Variants in WLS observed in about 807,000 individuals in gnomAD.
WLS encodes the protein protein wntless homolog.
WLS carries 23 observed loss-of-function variants against 62.8 expected under a neutral mutation model. The ratio of observed to expected loss-of-function variants is 0.37; its 90% confidence interval spans 0.26 to 0.52. The LOEUF (loss-of-function observed/expected upper bound fraction) is 0.52, where lower values mean the gene tolerates loss of function less well. WLS is among the 20% of genes least tolerant of loss of function. The pLI, the probability that WLS is intolerant of heterozygous loss-of-function variation, is 0.92. For synonymous variants in WLS, 246 were observed against 244.1 expected (o/e 1.01, Z -0.07); for missense variants, 615 against 697.3 (o/e 0.88, Z 1.33).
At chr1:68,180,628 A>G (rs1397943265) in intron 2 of WLS, among the ~76,000 whole-genome samples, 1 of 152,094 alleles carries the variant, frequency 6.6e-6, no homozygotes, top group African/African-American at 2.4e-5. Flanking sequence ...CATTTTCACC[A>G]CCTGTTTCTT....
At chr1:68,115,685 G>A (rs1646282543) in intron 11 of WLS, among the ~76,000 whole-genome samples, 1 of 151,594 alleles carries the variant, frequency 6.6e-6, no homozygotes, top group Admixed American at 6.6e-5. Context: ...TTTGTTATGA[G>A]GGGGGAATAC....
intron 11 of WLS, among the ~76,000 whole-genome samples, chr1:68,116,571 G>A (rs1448444439): frequency 2.0e-5 from 3 of 152,114 alleles, no homozygotes; most frequent in Admixed American, 6.5e-5. Flanking sequence ...TACCTCATAG[G>A]ATTCATTTAA....
intron 2 of WLS, chr1:68,193,734 G>A (rs1648497741): frequency 3.6e-6 from 2 of 556,538 alleles, no homozygotes; most frequent in African/African-American, 1.9e-5. Context: ...GTGCCCAAGT[G>A]TTCCATCTGT....
At chr1:68,187,419 T>C (rs919405450) in intron 2 of WLS, among the ~76,000 whole-genome samples, 2 of 152,020 alleles carry the variant, frequency 1.3e-5, no homozygotes, top group Non-Finnish European at 2.9e-5. Context: ...AAAGCTTGAG[T>C]ACAGTATTTT....
At chr1:68,194,666 G>T (rs1161916329) in intron 1 of WLS, among the ~76,000 whole-genome samples, 1 of 152,206 alleles carries the variant, frequency 6.6e-6, no homozygotes, top group Non-Finnish European at 1.5e-5. Context: ...TCTTGGGTAA[G>T]TCAGTTAAAT....
intron 1 of WLS, among the ~76,000 whole-genome samples, chr1:68,208,903 G>C (rs1045288162): frequency 2.6e-5 from 4 of 152,090 alleles, no homozygotes; most frequent in African/African-American, 9.7e-5. Context: ...TTTAATATTT[G>C]GTCCAAATTC....
At chr1:68,150,500 C>A (rs539267499) in intron 5 of WLS, 144 bp from the exon 6 acceptor site, 14 of 1,152,058 alleles carry the variant, frequency 1.2e-5, no homozygotes, top group African/African-American at 1.1e-4. Context: ...CACAGAGATG[C>A]AAAACGTCCT....
At chr1:68,167,639 G>A (rs964473279) in intron 2 of WLS, among the ~76,000 whole-genome samples, 1 of 152,172 alleles carries the variant, frequency 6.6e-6, no homozygotes. Flanking sequence ...TAAGGTATCA[G>A]CATAGGGCAT....
Position 68,143,996 on chromosome 1 carries a change from TC to T in WLS, c.1362+572del, listed in dbSNP as rs1474146512. 7.2e-5 allele frequency among the ~76,000 whole-genome samples: 11 copies of T among 152,332 alleles called. No homozygotes were observed. In the East Asian group the frequency reaches 2.1e-3, roughly 29 times the overall value. On this transcript the variant is annotated intron_variant, in intron 10 of 11. Transcript: ENST00000262348. ...TTACCTCGTAGGATTTTTGTGATGC[TC>T]AAATGAATAATAGATACATTAGATT...
chr1:68,179,730 A>G (rs1289336729), intron 2 of WLS, among the ~76,000 whole-genome samples: 6 of 152,136 alleles, frequency 3.9e-5, no homozygotes, highest in Non-Finnish European at 8.8e-5. Flanking sequence ...TAATTACACT[A>G]ATAGTCTTCA....
intron 10 of WLS, among the ~76,000 whole-genome samples, chr1:68,140,140 G>T (rs111511852): frequency 6.6e-6 from 1 of 152,214 alleles, no homozygotes; most frequent in Non-Finnish European, 1.5e-5. Flanking sequence ...ACGCTGTGAG[G>T]TAGGTAGGTA....
In WLS at chr1:68,185,271, T is replaced by A. The variant is rs527491979; in HGVS notation, c.379+8684A>T. 2.0e-5 allele frequency among the ~76,000 whole-genome samples: 3 copies of A among 152,232 alleles called. No homozygotes were observed. The South Asian group carries it at 6.2e-4, about 32-fold the overall frequency. Reference sequence around the variant, plus strand: ...GTTCCCATGACCCTCCTCCTTAGGATTGATTGATTTGCTACAGAGGCTCAC... The same window carrying A: ...GTTCCCATGACCCTCCTCCTTAGGAATGATTGATTTGCTACAGAGGCTCAC... On this transcript the variant is annotated intron_variant, in intron 2 of 11. Transcript: ENST00000262348.
intron 2 of WLS, among the ~76,000 whole-genome samples, chr1:68,169,421 G>GA (rs1340444270): frequency 2.0e-5 from 3 of 152,146 alleles, no homozygotes; most frequent in African/African-American, 7.2e-5. Context: ...TTGTTCACCA[G>GA]GTTGGAGAGT....
At position 68,138,092 on chromosome 1, in the gene WLS, G is replaced by A. The variant is rs542708578; in HGVS notation, c.1363-159C>T. The A allele has an allele frequency of 1.2e-5, 10 of 866,390 alleles. No homozygotes were observed. The East Asian group carries it at 1.3e-4, about 12-fold the overall frequency. 53.7% of individuals were successfully genotyped at this position (866,390 alleles called of 1,614,324 possible). On this transcript the variant is annotated intron_variant, in intron 10 of 11. Transcript: ENST00000262348. ...TCCATCTTTTAATCTGAATCATTTC[G>A]GTGTAAATTAAGGTCAACTGAAGGT...
At chr1:68,221,295 A>G (rs960808722) in intron 1 of WLS, among the ~76,000 whole-genome samples, 1 of 152,198 alleles carries the variant, frequency 6.6e-6, no homozygotes, top group East Asian at 1.9e-4. Context: ...TGCCTGTCAC[A>G]GCCAAGCCCC....
intron 1 of WLS, among the ~76,000 whole-genome samples, chr1:68,201,502 C>T (rs990822231): frequency 1.3e-5 from 2 of 152,212 alleles, no homozygotes; most frequent in African/African-American, 4.8e-5. Context: ...TACTAGCTTA[C>T]TAAATGAAGT....
At chr1:68,216,710 G>C (rs887222480) in intron 1 of WLS, among the ~76,000 whole-genome samples, 2 of 152,160 alleles carry the variant, frequency 1.3e-5, no homozygotes, top group Non-Finnish European at 2.9e-5. Context: ...TTACAGACTG[G>C]AGCCCTGAGA....
At chr1:68,199,458 G>A (rs1648874688) in intron 1 of WLS, among the ~76,000 whole-genome samples, 2 of 152,218 alleles carry the variant, frequency 1.3e-5, no homozygotes, top group South Asian at 2.1e-4. Context: ...GAGAATGGGG[G>A]ATGGCCAAGG....
chr1:68,101,124 C>A (rs1646072149), intron 11 of WLS, among the ~76,000 whole-genome samples: 2 of 152,066 alleles, frequency 1.3e-5, no homozygotes. Flanking sequence ...AGGCTGTAAC[C>A]TTTTGTTAGA....
Sources: gnomAD v4.1 joint callset for allele counts (sites outside exome capture counted in the v4.1 genomes callset) on GRCh38, gnomAD v4.1.1 for gene constraint, MANE v1.5 for transcripts, NCBI Gene and HGNC (gene_info 2026-07-23, HGNC 2026-07-21) for gene names.